MALRD1: variants seen among roughly 807,000 people sequenced by gnomAD.
The protein encoded by MALRD1 is MAM and LDL receptor class A domain containing 1.
Under a neutral mutation model 242.1 loss-of-function variants are expected in MALRD1, and 247 were observed. That is an observed-to-expected ratio of 1.02 (90% CI 0.92 to 1.13). The LOEUF is 1.13. Among genes scored for constraint, MALRD1 ranks in the 50% most tolerant of loss-of-function variants. The probability of loss-of-function intolerance (pLI) is 0.00; values close to 1 mark genes in which losing one functional copy is unlikely to be tolerated. For synonymous variants in MALRD1, 995 were observed against 866.6 expected (o/e 1.15, Z -2.60); for missense variants, 2,989 against 2,533.1 (o/e 1.18, Z -3.86).
chr10:19,693,110 C>G (rs1190298982), intron 38 of MALRD1, among the ~76,000 whole-genome samples: 1 of 151,820 alleles, frequency 6.6e-6, no homozygotes, highest in Non-Finnish European at 1.5e-5. Flanking sequence ...AAACCCACAG[C>G]CAATATCATA....
At chr10:19,489,151 C>A in intron 29 of MALRD1, 1 of 468,736 alleles carries the variant, frequency 2.1e-6, no homozygotes. Flanking sequence ...AAAAGCCTAA[C>A]AGGAGGTCAG....
At chr10:19,363,678 C>T (rs994306537) in intron 26 of MALRD1, among the ~76,000 whole-genome samples, 7 of 152,084 alleles carry the variant, frequency 4.6e-5, no homozygotes, top group Non-Finnish European at 7.4e-5. Flanking sequence ...TAAGAAGCAA[C>T]TGGAAGTTTC....
chr10:19,211,684 C>CAAAAAAAAAAAAAAAAAAAA (rs71387056), intron 18 of MALRD1, among the ~76,000 whole-genome samples: 1 of 67,324 alleles, frequency 1.5e-5, no homozygotes, highest in African/African-American at 6.2e-5. Context: ...TGACTCCTCA[C>CAAAAAAAAAAAAAAAAAAAA]AAAAAAAAAA....
chr10:19,547,808 ATATATATATATTTTT>A (rs1204958515), intron 32 of MALRD1, among the ~76,000 whole-genome samples: 1 of 13,996 alleles, frequency 7.1e-5, no homozygotes, highest in Admixed American at 9.6e-4. Flanking sequence ...ATATATATAT[ATATATATATATTTTT>A]TTTTTTTTTT....
intron 38 of MALRD1, among the ~76,000 whole-genome samples, chr10:19,729,718 A>ATTTTTTTT (rs1347221983): frequency 1.0e-4 from 10 of 98,990 alleles, no homozygotes; most frequent in Non-Finnish European, 1.6e-4. Context: ...AAGTCTATTA[A>ATTTTTTTT]TTCTTTTTTT....
Position 19,111,834 on chromosome 10 carries a change from G to A in MALRD1, c.694+7759G>A, listed in dbSNP as rs376973724. ...TTTTCAAGTAAAATAAGGATTGAGG[G>A]CATATTTACATTTTTGGGAGGAAAA... On this transcript the variant is annotated intron_variant, in intron 5 of 39. Coordinates refer to ENST00000454679, the MANE Select transcript of MALRD1 (RefSeq NM_001142308.3). Among the ~76,000 whole-genome samples the A allele has an allele frequency of 3.3e-5, 5 of 152,220 alleles. No homozygotes were observed. In the South Asian group the frequency reaches 8.3e-4, roughly 25 times the overall value.
At chr10:19,515,836 C>T (rs576563942) in intron 31 of MALRD1, among the ~76,000 whole-genome samples, 12 of 152,094 alleles carry the variant, frequency 7.9e-5, no homozygotes, top group Non-Finnish European at 1.2e-4. Context: ...CCAAAGAGCT[C>T]GGATTACAGG....
At chr10:19,281,033 T>C (rs1221255767) in intron 20 of MALRD1, among the ~76,000 whole-genome samples, 2 of 152,198 alleles carry the variant, frequency 1.3e-5, no homozygotes, top group Non-Finnish European at 2.9e-5. Flanking sequence ...GTCAACCTTG[T>C]GAAGAAATTC....
At chr10:19,461,545 C>T (rs1299621486) in intron 29 of MALRD1, among the ~76,000 whole-genome samples, 1 of 151,920 alleles carries the variant, frequency 6.6e-6, no homozygotes, top group Admixed American at 6.6e-5. Flanking sequence ...ATATGGAAAT[C>T]AAAGATTAAA....
At chr10:19,441,712 C>G (rs1293358180) in intron 28 of MALRD1, among the ~76,000 whole-genome samples, 1 of 152,130 alleles carries the variant, frequency 6.6e-6, no homozygotes, top group Non-Finnish European at 1.5e-5. Flanking sequence ...GGTACCAGTT[C>G]CATGCTATTT....
chr10:19,289,658 A>T (rs764066788), intron 21 of MALRD1, among the ~76,000 whole-genome samples: 11 of 152,122 alleles, frequency 7.2e-5, no homozygotes, highest in Non-Finnish European at 1.6e-4. Context: ...AACAGTTCTT[A>T]TGCATCAGAT....
intron 32 of MALRD1, among the ~76,000 whole-genome samples, chr10:19,535,814 A>C (rs1329488302): frequency 2.0e-5 from 3 of 152,196 alleles, no homozygotes; most frequent in East Asian, 1.9e-4. Flanking sequence ...TGCCATAAAC[A>C]CATGACCTCT....
At chr10:19,115,723 A>C (rs919519933) in intron 5 of MALRD1, among the ~76,000 whole-genome samples, 2 of 152,094 alleles carry the variant, frequency 1.3e-5, no homozygotes, top group Non-Finnish European at 2.9e-5. Context: ...TAAAAATATA[A>C]AAATTAGCCA....
intron 1 of MALRD1, among the ~76,000 whole-genome samples, chr10:19,066,234 T>A (rs928236769): frequency 5.9e-5 from 9 of 152,154 alleles, no homozygotes; most frequent in African/African-American, 1.9e-4. Context: ...CCAGATGCAA[T>A]TTTTTTCTCA....
In MALRD1 at chr10:19,205,004, C is replaced by T; in HGVS notation, c.2317C>T (p.Gln773Ter). Residue 773 changes from glutamine to a stop codon, truncating the protein, a stop_gained, in exon 17 of 40, where the codon CAA (glutamine) becomes TAA (stop). Coordinates refer to ENST00000454679, the MANE Select transcript of MALRD1 (RefSeq NM_001142308.3). LOFTEE classifies it high-confidence loss of function. ...GAGAGTATTATACAATCAGGGCAAA[C>T]AATGGTTGGAGGCAACCATTCAGCT... ...IWRVLYNQGK[Q>*]WLEATIQLGR... is the part of the protein sequence containing the mutation. 6.4e-7 allele frequency: 1 copy of T among 1,550,824 alleles called. No homozygotes were observed. The highest frequency in any genetic ancestry group is 8.7e-7 in the Non-Finnish European group (1 of 1,147,036).
chr10:19,059,322 A>G (rs145996756), intron 1 of MALRD1, among the ~76,000 whole-genome samples: 2 of 150,466 alleles, frequency 1.3e-5, no homozygotes, highest in African/African-American at 5.0e-5. Flanking sequence ...GGGCTTCTAT[A>G]TCACTTTTCT....
chr10:19,400,482 G>T (rs1029392668), intron 28 of MALRD1, among the ~76,000 whole-genome samples: 2 of 152,130 alleles, frequency 1.3e-5, no homozygotes, highest in Admixed American at 6.5e-5. Context: ...GACCTCATCT[G>T]CCTTGTTTAC....
intron 1 of MALRD1, among the ~76,000 whole-genome samples, chr10:19,052,675 C>T (rs1245211843): frequency 6.6e-6 from 1 of 152,032 alleles, no homozygotes; most frequent in Admixed American, 6.5e-5. Flanking sequence ...TGTAGGACTG[C>T]AGCTGGGTGT....
At chr10:19,443,410 G>A (rs1241072585) in intron 28 of MALRD1, among the ~76,000 whole-genome samples, 2 of 152,268 alleles carry the variant, frequency 1.3e-5, no homozygotes, top group East Asian at 1.9e-4. Context: ...TAATTGCAAT[G>A]TTAGGGTGTC....
Sources: gnomAD v4.1 joint callset for allele counts (sites outside exome capture counted in the v4.1 genomes callset) on GRCh38, gnomAD v4.1.1 for gene constraint, MANE v1.5 for transcripts, NCBI Gene and HGNC (gene_info 2026-07-23, HGNC 2026-07-21) for gene names.